Variants in TNR observed in about 807,000 individuals in gnomAD.
The protein encoded by TNR is tenascin-R.
A neutral mutation model predicts 150.4 loss-of-function variants in TNR; 45 were observed. The ratio of observed to expected loss-of-function variants is 0.30; its 90% CI spans 0.24 to 0.38. TNR has a LOEUF of 0.38. Ranked by LOEUF, TNR falls within the 10% of genes least tolerant of loss-of-function variation. The pLI is 1.00. For missense variants in TNR, 1,544 were observed against 1,759.1 expected (o/e 0.88, Z 2.19); for synonymous variants, 687 against 678.4 (o/e 1.01, Z -0.20).
At chr1:175,438,018 A>T (rs551824748) in intron 2 of TNR, among the ~76,000 whole-genome samples, 1 of 152,316 alleles carries the variant, frequency 6.6e-6, no homozygotes, top group Non-Finnish European at 1.5e-5. Flanking sequence ...ATCCGCCCTA[A>T]CTCATTTTAT....
chr1:175,515,479 G>T (rs146063856), intron 2 of TNR, among the ~76,000 whole-genome samples: 5 of 152,312 alleles, frequency 3.3e-5, no homozygotes, highest in South Asian at 4.1e-4. Context: ...TAAAAGGAGA[G>T]AATTAGTTTG....
chr1:175,323,929 TTA>T, intron 22 of TNR, among the ~76,000 whole-genome samples: 1 of 152,334 alleles, frequency 6.6e-6, no homozygotes, highest in South Asian at 2.1e-4. Context: ...GTGTTAACAC[TTA>T]GAAAGTCTAG....
intron 1 of TNR, among the ~76,000 whole-genome samples, chr1:175,611,983 A>AC (rs1484132160): frequency 2.0e-5 from 3 of 152,160 alleles, no homozygotes; most frequent in Admixed American, 6.5e-5. Flanking sequence ...CAAATACTCA[A>AC]TCTCCTTCCA....
chr1:175,533,443 C>T (rs1421798993), intron 1 of TNR, among the ~76,000 whole-genome samples: 2 of 152,190 alleles, frequency 1.3e-5, no homozygotes, highest in Non-Finnish European at 2.9e-5. Context: ...TCAAAGTCAG[C>T]CTTCCTCCCC....
intron 1 of TNR, among the ~76,000 whole-genome samples, chr1:175,597,513 A>G (rs1367035210): frequency 6.6e-6 from 1 of 152,242 alleles, no homozygotes; most frequent in Admixed American, 6.5e-5. Flanking sequence ...GTTTAGTCTC[A>G]AGATTTCCAG....
At chr1:175,434,282 C>T (rs890931437) in intron 2 of TNR, among the ~76,000 whole-genome samples, 12 of 152,084 alleles carry the variant, frequency 7.9e-5, no homozygotes, top group African/African-American at 2.9e-4. Context: ...TATGGGGTGT[C>T]GACTGTCCCT....
intron 2 of TNR, among the ~76,000 whole-genome samples, chr1:175,515,533 A>G (rs1659368664): frequency 6.6e-6 from 1 of 152,238 alleles, no homozygotes; most frequent in Non-Finnish European, 1.5e-5. Context: ...ACTATGAAAG[A>G]GCATAGAACA....
intron 1 of TNR, among the ~76,000 whole-genome samples, chr1:175,661,269 C>G (rs1325386512): frequency 6.6e-6 from 1 of 152,186 alleles, no homozygotes; most frequent in Non-Finnish European, 1.5e-5. Flanking sequence ...CATTCCAACC[C>G]CAGCTGACTT....
At chr1:175,364,705 G>A (rs1217325179) in intron 12 of TNR, among the ~76,000 whole-genome samples, 1 of 152,186 alleles carries the variant, frequency 6.6e-6, no homozygotes, top group East Asian at 1.9e-4. Context: ...ATTCCTCTTG[G>A]AGACTAGCTT....
At chr1:175,404,170 C>A (rs963592387) in intron 3 of TNR, among the ~76,000 whole-genome samples, 2 of 152,180 alleles carry the variant, frequency 1.3e-5, no homozygotes, top group African/African-American at 4.8e-5. Flanking sequence ...AAGTTTCCAA[C>A]AAACTGAGGA....
chr1:175,714,558 C>T (rs139379294), intron 1 of TNR, among the ~76,000 whole-genome samples: 12 of 152,240 alleles, frequency 7.9e-5, no homozygotes, highest in African/African-American at 2.6e-4. Context: ...CCACTCAGCC[C>T]CTTTCTCAGC....
intron 1 of TNR, among the ~76,000 whole-genome samples, chr1:175,591,945 C>G (rs1416943531): frequency 2.0e-5 from 3 of 152,134 alleles, no homozygotes; most frequent in Admixed American, 2.0e-4. Context: ...TTGGATTTAG[C>G]CTGGGAATCT....
intron 1 of TNR, among the ~76,000 whole-genome samples, chr1:175,662,326 C>A (rs1015342149): frequency 7.2e-5 from 11 of 152,092 alleles, no homozygotes; most frequent in Non-Finnish European, 1.6e-4. Flanking sequence ...TGTCTGATCC[C>A]ACCGTGAGTC....
chr1:175,497,775 C>T (rs1658549136), intron 2 of TNR, among the ~76,000 whole-genome samples: 1 of 152,250 alleles, frequency 6.6e-6, no homozygotes, highest in South Asian at 2.1e-4. Context: ...TTAAACACCT[C>T]CTGGCTGGGC....
intron 2 of TNR, among the ~76,000 whole-genome samples, chr1:175,426,769 T>A (rs1654986871): frequency 6.9e-6 from 1 of 145,556 alleles, no homozygotes; most frequent in Admixed American, 7.1e-5. Context: ...TGTGTGTGTA[T>A]AAATATATAT....
chr1:175,619,906 G>A (rs966155024), intron 1 of TNR, among the ~76,000 whole-genome samples: 1 of 152,236 alleles, frequency 6.6e-6, no homozygotes, highest in Non-Finnish European at 1.5e-5. Context: ...GAAAGCATTT[G>A]CTCCAACTTG....
intron 1 of TNR, among the ~76,000 whole-genome samples, chr1:175,665,003 G>T (rs559417334): frequency 1.1e-4 from 17 of 152,230 alleles, no homozygotes; most frequent in Non-Finnish European, 2.1e-4. Flanking sequence ...TCTGAAGAGG[G>T]TGAATCTAAC....
chr1:175,542,558 A>T (rs936816694), intron 1 of TNR, among the ~76,000 whole-genome samples: 1 of 152,224 alleles, frequency 6.6e-6, no homozygotes, highest in African/African-American at 2.4e-5. Flanking sequence ...GAGCCCTAAT[A>T]GAGGATAAAG....
intron 7 of TNR, among the ~76,000 whole-genome samples, chr1:175,389,973 A>G (rs1653098053): frequency 6.6e-6 from 1 of 152,206 alleles, no homozygotes; most frequent in Non-Finnish European, 1.5e-5. Context: ...AAAATCTTAA[A>G]TGGATGTACA....
Sources: gnomAD v4.1 joint callset for allele counts (sites outside exome capture counted in the v4.1 genomes callset) on GRCh38, gnomAD v4.1.1 for gene constraint, MANE v1.5 for transcripts, NCBI Gene and HGNC (gene_info 2026-07-23, HGNC 2026-07-21) for gene names.